The following ATXN7 variants were observed in gnomAD, a reference collection of about 807,000 sequenced individuals.
ATXN7 encodes the protein ataxin-7.
In ATXN7, 12 loss-of-function variants were observed where a neutral mutation model predicts 70.5. The observed-to-expected ratio is 0.17, with a 90% CI of 0.11 to 0.28. The LOEUF is 0.28. Ranked by LOEUF, ATXN7 falls within the 10% of genes least tolerant of loss-of-function variation. ATXN7 has a pLI of 1.00. For synonymous variants in ATXN7, 498 were observed against 448.7 expected (o/e 1.11, Z -1.39); for missense variants, 1,256 against 1,131.7 (o/e 1.11, Z -1.58).
chr3:63,951,028 T>C (rs2074944501), intron 4 of ATXN7, among the ~76,000 whole-genome samples: 1 of 152,166 alleles, frequency 6.6e-6, no homozygotes. Flanking sequence ...TTTACCTCTC[T>C]GTGAGTCAGT....
At chr3:63,997,464 G>C (rs772695196) in intron 12 of ATXN7, among the ~76,000 whole-genome samples, 2 of 152,168 alleles carry the variant, frequency 1.3e-5, no homozygotes, top group Non-Finnish European at 2.9e-5. Flanking sequence ...CTAAGTGGTT[G>C]TGGGATTCAT....
chr3:63,999,856 T>G lies in ATXN7; in HGVS notation c.*389T>G. On this transcript the variant is annotated 3_prime_UTR_variant, in exon 13 of 13. Coordinates refer to ENST00000674280, the MANE Select transcript of ATXN7 (RefSeq NM_001377405.1). ...TTGGCAAGAGCGTTACTGTAGACCTTTCTCCCTCCTTCCTTTTACTACCAT... is the reference window on the plus strand; with the variant it reads ...TTGGCAAGAGCGTTACTGTAGACCTGTCTCCCTCCTTCCTTTTACTACCAT... 1 of 308,384 alleles carries G rather than the reference T, an allele frequency of 3.2e-6. No homozygotes were observed. The highest frequency in any genetic ancestry group is 5.0e-5 in the South Asian group (1 of 19,892). 19.1% of individuals were successfully genotyped at this position (308,384 alleles called of 1,614,324 possible). A position where few individuals can be genotyped will look rare whatever the true frequency, so the allele number is the denominator to read the frequency against.
chr3:63,984,127 A>G (rs745839067), intron 8 of ATXN7, among the ~76,000 whole-genome samples: 18 of 151,970 alleles, frequency 1.2e-4, no homozygotes, highest in Non-Finnish European at 2.5e-4. Flanking sequence ...TAATTTTAGT[A>G]TATAGATTTT....
chr3:63,933,872 C>T (rs534865699), intron 4 of ATXN7, among the ~76,000 whole-genome samples: 2 of 150,944 alleles, frequency 1.3e-5, no homozygotes, highest in Non-Finnish European at 2.9e-5. Context: ...TCATAACTGT[C>T]GTTACCTATT....
At chr3:63,923,975 G>C (rs1397643075) in intron 4 of ATXN7, among the ~76,000 whole-genome samples, 1 of 152,170 alleles carries the variant, frequency 6.6e-6, no homozygotes. Flanking sequence ...GGTAGCTTCA[G>C]CAAGGGAATG....
chr3:63,912,044 G>A (rs1575881348), intron 2 of ATXN7: 1 of 152,318 alleles, frequency 6.6e-6, no homozygotes, highest in African/African-American at 2.4e-5. Context: ...GAGAGGGAGG[G>A]ACCGGCAAGT....
In ATXN7 at chr3:63,937,598, G is replaced by C. The variant is rs188511251; in HGVS notation, c.395-14781G>C. On this transcript the variant is annotated intron_variant, in intron 4 of 12. Transcript: ENST00000674280. ...GTAAACAGTATTTGTAATGTAAGACGCTGGGTCACTTCTGTAAGAGCTGAA... is the reference window on the plus strand; with the variant it reads ...GTAAACAGTATTTGTAATGTAAGACCCTGGGTCACTTCTGTAAGAGCTGAA... Among the ~76,000 whole-genome samples the C allele has an allele frequency of 4.3e-3, 662 of 152,282 alleles. 27 individuals are homozygous for C. The highest frequency in any genetic ancestry group is 0.04 in the Admixed American group (612 of 15,296).
At chr3:63,895,115 C>T (rs1317277290) in intron 1 of ATXN7, among the ~76,000 whole-genome samples, 2 of 152,130 alleles carry the variant, frequency 1.3e-5, no homozygotes, top group African/African-American at 4.8e-5. Flanking sequence ...GGCGATTTTG[C>T]CTAGAAGTTA....
At chr3:63,941,337 G>A (rs934353476) in intron 4 of ATXN7, among the ~76,000 whole-genome samples, 1 of 152,178 alleles carries the variant, frequency 6.6e-6, no homozygotes, top group Non-Finnish European at 1.5e-5. Flanking sequence ...AGAGAGGAAT[G>A]AGCATTACCG....
intron 5 of ATXN7, among the ~76,000 whole-genome samples, chr3:63,977,343 T>G (rs548487653): frequency 3.1e-4 from 47 of 152,322 alleles, no homozygotes; most frequent in Non-Finnish European, 7.3e-5. Context: ...ATCTAATCAT[T>G]TGATCTTCAA....
chr3:63,912,533 C>G, intron 2 of ATXN7, 55 bp from the exon 3 acceptor site: 1 of 1,069,752 alleles, frequency 9.3e-7, no homozygotes, highest in Admixed American at 5.5e-5. Flanking sequence ...CCTGGCGCCT[C>G]CTTAAAAAAC....
At chr3:63,941,563 G>A (rs999700010) in intron 4 of ATXN7, among the ~76,000 whole-genome samples, 1 of 152,184 alleles carries the variant, frequency 6.6e-6, no homozygotes, top group Non-Finnish European at 1.5e-5. Context: ...GTTCCCTGGT[G>A]CCAGAAAGGT....
intron 2 of ATXN7, among the ~76,000 whole-genome samples, chr3:63,909,210 C>T (rs1289583191): frequency 1.3e-5 from 2 of 152,204 alleles, no homozygotes; most frequent in Non-Finnish European, 2.9e-5. Context: ...AATGCACTGG[C>T]AGAAGCACTG....
chr3:63,886,248 G>T (rs1559620280), intron 1 of ATXN7, among the ~76,000 whole-genome samples: 1 of 152,186 alleles, frequency 6.6e-6, no homozygotes, highest in South Asian at 2.1e-4. Context: ...GAGGCTGGGA[G>T]TTGGGGGAGT....
chr3:63,973,549 C>T (rs556200904), intron 5 of ATXN7, among the ~76,000 whole-genome samples: 62 of 152,280 alleles, frequency 4.1e-4, no homozygotes, highest in Non-Finnish European at 6.0e-4. Flanking sequence ...ACTCTGCAAA[C>T]CAGGGATGCC....
chr3:63,952,107 A>G (rs951143538), intron 4 of ATXN7, among the ~76,000 whole-genome samples: 1 of 152,160 alleles, frequency 6.6e-6, no homozygotes, highest in African/African-American at 2.4e-5. Flanking sequence ...AGTTCATCTA[A>G]TGTTGCTTTA....
intron 4 of ATXN7, among the ~76,000 whole-genome samples, chr3:63,934,575 A>G (rs1056438412): frequency 2.0e-5 from 3 of 152,062 alleles, no homozygotes; most frequent in Non-Finnish European, 4.4e-5. Context: ...TGTTGTGGTG[A>G]CTCAGTTTTT....
intron 1 of ATXN7, among the ~76,000 whole-genome samples, chr3:63,884,276 C>G (rs1003758806): frequency 6.6e-6 from 1 of 151,876 alleles, no homozygotes; most frequent in South Asian, 2.1e-4. Context: ...TTCACTCTCT[C>G]TCTCTCCACA....
rs1269219730 is a variant in ATXN7, at chr3:63,964,365, T to A, written c.499+11882T>A. On this transcript the variant is annotated intron_variant, in intron 5 of 12. Transcript: ENST00000674280. ...CCTCCTAGAGGATCATAATTTTGAG[T>A]GTGATTAATTGCAAGGCCAAGGAAA... is the stretch of plus-strand genomic sequence containing the variant. 3.3e-5 allele frequency among the ~76,000 whole-genome samples: 5 copies of A among 152,176 alleles called. No individual in the cohort carries two copies. The East Asian group carries it at 9.7e-4, about 29-fold the overall frequency.
Sources: allele counts gnomAD v4.1 joint callset (sites outside exome capture counted in the v4.1 genomes callset), GRCh38; gene constraint gnomAD v4.1.1; transcripts MANE v1.5; gene names NCBI Gene and HGNC (gene_info 2026-07-23, HGNC 2026-07-21).